CDH4: variants seen among roughly 807,000 people sequenced by gnomAD.
CDH4 encodes the protein cadherin-4.
Under a neutral mutation model 86.0 loss-of-function variants are expected in CDH4, and 33 were observed. The ratio of observed to expected loss-of-function variants is 0.38; its 90% CI spans 0.29 to 0.51. CDH4 has a LOEUF of 0.51. Ranked by LOEUF, CDH4 falls within the 20% of genes least tolerant of loss-of-function variation. CDH4 has a pLI of 0.86. For synonymous variants in CDH4, 555 were observed against 549.4 expected (o/e 1.01, Z -0.14); for missense variants, 1,114 against 1,307.4 (o/e 0.85, Z 2.28).
chr20:61,736,377 C>T (rs745822336), intron 2 of CDH4, among the ~76,000 whole-genome samples: 10 of 152,168 alleles, frequency 6.6e-5, no homozygotes, highest in Non-Finnish European at 8.8e-5. Flanking sequence ...CAGATGTCCA[C>T]GGAAGGGTCC....
chr20:61,358,910 T>C (rs1356561878), intron 2 of CDH4, among the ~76,000 whole-genome samples: 1 of 151,774 alleles, frequency 6.6e-6, no homozygotes, highest in South Asian at 2.1e-4. Context: ...GACGGGGGGG[T>C]TTACTCCGTG....
At chr20:61,898,065 A>G (rs997117766) in intron 8 of CDH4, among the ~76,000 whole-genome samples, 13 of 152,142 alleles carry the variant, frequency 8.5e-5, no homozygotes, top group Non-Finnish European at 2.9e-5. Context: ...AAGGGGTGTC[A>G]GTAAATACTC....
intron 3 of CDH4, among the ~76,000 whole-genome samples, chr20:61,759,894 T>A (rs578200871): frequency 6.6e-6 from 1 of 152,176 alleles, no homozygotes; most frequent in African/African-American, 2.4e-5. Flanking sequence ...CAAAGAAGGA[T>A]TCAGCCCAAA....
intron 2 of CDH4, among the ~76,000 whole-genome samples, chr20:61,385,809 C>CT (rs2084947945): frequency 6.7e-6 from 1 of 150,186 alleles, no homozygotes; most frequent in African/African-American, 2.5e-5. Flanking sequence ...CACCTTTAAA[C>CT]TTTAACGTAG....
At chr20:61,921,132 GTGGAAGCGTGGTGTCATGATTGCA>G (rs1568888856) in intron 9 of CDH4, among the ~76,000 whole-genome samples, 17 of 150,320 alleles carry the variant, frequency 1.1e-4, no homozygotes, top group African/African-American at 2.7e-4. Flanking sequence ...CGGTGATTGT[GTGGAAGCGTGGTGTCATGATTGCA>G]TGGAAGCGTG....
chr20:61,731,035 T>C (rs1318967223), intron 2 of CDH4, among the ~76,000 whole-genome samples: 1 of 151,760 alleles, frequency 6.6e-6, no homozygotes, highest in East Asian at 1.9e-4. Context: ...GTGTGCTGTG[T>C]GGGCAGACCC....
chr20:61,798,114 G>A (rs1022789040), intron 4 of CDH4, among the ~76,000 whole-genome samples: 3 of 152,140 alleles, frequency 2.0e-5, no homozygotes, highest in Non-Finnish European at 2.9e-5. Context: ...CCCCTCGCCC[G>A]GGTCACACCG....
intron 2 of CDH4, among the ~76,000 whole-genome samples, chr20:61,272,340 A>T (rs1397041184): frequency 6.6e-6 from 1 of 152,192 alleles, no homozygotes; most frequent in Non-Finnish European, 1.5e-5. Flanking sequence ...TACTTCTGAG[A>T]TAGGGAGGCT....
At chr20:61,790,866 T>C (rs1057284888) in intron 4 of CDH4, among the ~76,000 whole-genome samples, 1 of 147,334 alleles carries the variant, frequency 6.8e-6, no homozygotes, top group African/African-American at 2.5e-5. Flanking sequence ...CATTCATCCA[T>C]CCGTATATCC....
intron 4 of CDH4, among the ~76,000 whole-genome samples, chr20:61,836,826 G>A (rs1051049109): frequency 4.6e-5 from 7 of 152,194 alleles, no homozygotes; most frequent in African/African-American, 1.2e-4. Context: ...CACGCTGGAC[G>A]GGGTTACAAT....
intron 2 of CDH4, among the ~76,000 whole-genome samples, chr20:61,600,791 G>A (rs1311294649): frequency 3.6e-5 from 5 of 139,546 alleles, no homozygotes; most frequent in Non-Finnish European, 8.1e-5. Flanking sequence ...TATGTAAATA[G>A]TTAGACTGTG....
intron 8 of CDH4, among the ~76,000 whole-genome samples, chr20:61,899,858 T>C (rs182206171): frequency 3.5e-4 from 54 of 152,276 alleles, no homozygotes; most frequent in African/African-American, 1.1e-3. Flanking sequence ...GTTATCACAG[T>C]TGATGTGGAA....
intron 4 of CDH4, among the ~76,000 whole-genome samples, chr20:61,795,925 A>G (rs1000773629): frequency 6.6e-6 from 1 of 152,198 alleles, no homozygotes; most frequent in East Asian, 1.9e-4. Flanking sequence ...TTGTCCTGAG[A>G]GTACGAGAAC....
At position 61,883,115 on chromosome 20, in the gene CDH4, C is replaced by T. The variant is rs115784503; in HGVS notation, c.1050+9215C>T. Among the ~76,000 whole-genome samples the T allele has an allele frequency of 1.7e-3, 255 of 152,150 alleles. 3 individuals carry two copies. The highest frequency in any genetic ancestry group is 5.9e-3 in the African/African-American group (243 of 41,518). ...CCCCGGCACCCCAAGCCCACCCCGC[C>T]TGCCCCAGGGCCTTCTCGCTGGCTG... On this transcript the variant is annotated intron_variant, in intron 7 of 15. Coordinates refer to ENST00000614565, the MANE Select transcript of CDH4 (RefSeq NM_001794.5).
In CDH4 at chr20:61,269,649, A is replaced by G. The variant is rs74869201; in HGVS notation, c.169+14712A>G. On this transcript the variant is annotated intron_variant, in intron 2 of 15. Transcript: ENST00000614565. This position sits in a 1 kb window ranked among gnomAD's most constrained non-coding sequence, Gnocchi z 5.3. Reference sequence around the variant, plus strand: ...TATACTTATTTATTAATGTAAACACATCAGGCCCTGCTCCGCCAAGCAGAC... The same window carrying G: ...TATACTTATTTATTAATGTAAACACGTCAGGCCCTGCTCCGCCAAGCAGAC... 0.015 allele frequency among the ~76,000 whole-genome samples: 2,293 copies of G among 152,188 alleles called. 89 individuals carry two copies. Among genetic ancestry groups the G allele is most frequent in the East Asian group, 0.14 (738 of 5,174 alleles).
chr20:61,815,471 TCCA>T (rs1980667709), intron 4 of CDH4, among the ~76,000 whole-genome samples: 1 of 152,132 alleles, frequency 6.6e-6, no homozygotes, highest in African/African-American at 2.4e-5. Flanking sequence ...GACTTCACCC[TCCA>T]CCACATCGGC....
intron 6 of CDH4, among the ~76,000 whole-genome samples, chr20:61,856,966 C>T (rs1306261216): frequency 6.6e-6 from 1 of 151,892 alleles, no homozygotes; most frequent in African/African-American, 2.4e-5. Context: ...CCTCCTTTCT[C>T]CTCCAAGAGA....
intron 2 of CDH4, among the ~76,000 whole-genome samples, chr20:61,507,740 G>C (rs183523299): frequency 1.3e-5 from 2 of 152,268 alleles, no homozygotes; most frequent in Admixed American, 1.3e-4. Flanking sequence ...ACGGGAAAGA[G>C]GCATTGGGGA....
chr20:61,504,842 C>T (rs1462285241), intron 2 of CDH4, among the ~76,000 whole-genome samples: 3 of 152,320 alleles, frequency 2.0e-5, no homozygotes, highest in African/African-American at 7.2e-5. Context: ...GCACACGCTC[C>T]GCTTCCATAC....
Sources: gnomAD v4.1 joint callset for allele counts (sites outside exome capture counted in the v4.1 genomes callset) on GRCh38, gnomAD v4.1.1 for gene constraint, Gnocchi (gnomAD v3.1) non-coding constraint, MANE v1.5 for transcripts, NCBI Gene and HGNC (gene_info 2026-07-23, HGNC 2026-07-21) for gene names.